FANCI: variants seen among roughly 807,000 people sequenced by gnomAD.
FANCI encodes Fanconi anemia group I protein.
FANCI carries 156 observed loss-of-function variants against 176.1 expected under a neutral mutation model. The observed-to-expected ratio is 0.89, with a 90% CI of 0.78 to 1.01. The LOEUF is 1.01. FANCI is among the 50% of genes least tolerant of loss of function. FANCI has a pLI of 0.00. For missense variants in FANCI, 1,678 were observed against 1,534.1 expected (o/e 1.09, Z -1.57); for synonymous variants, 613 against 541.7 (o/e 1.13, Z -1.83).
Position 89,260,807 on chromosome 15 carries a change from A to G in FANCI, c.252A>G (p.Glu84=). 6.2e-7 allele frequency: 1 copy of G among 1,614,030 alleles called. No individual in the cohort carries two copies. Among genetic ancestry groups the G allele is most frequent in the Non-Finnish European group, 8.5e-7 (1 of 1,179,938 alleles). Residue 84 remains glutamate (E), a synonymous_variant, in exon 4 of 38, where the codon GAA becomes GAG. Transcript: ENST00000310775. ...QLVESGDLQK[E]IASEIIGLLM... is the part of the protein sequence containing the mutation. The stretch of plus-strand genomic sequence containing the variant: ...TGGAATCGGGGGATTTGCAGAAAGA[A>G]ATAGCGTCTGAGATCATAGGATTAC...
At chr15:89,264,658 CATT>C in intron 9 of FANCI, 51 bp downstream of exon 9, 1 of 1,511,756 alleles carries the variant, frequency 6.6e-7, no homozygotes, top group Middle Eastern at 1.7e-4. Flanking sequence ...TTCATCTTCT[CATT>C]GTGTATTTTA....
At chr15:89,293,414 C>T (rs548544696) in intron 22 of FANCI, among the ~76,000 whole-genome samples, 4 of 152,270 alleles carry the variant, frequency 2.6e-5, no homozygotes, top group East Asian at 1.9e-4. Flanking sequence ...AGGCCAGGTG[C>T]GGTGGCTCAC....
chr15:89,268,349 G>C, intron 9 of FANCI, 50 bp from the exon 10 acceptor site: 1 of 1,608,962 alleles, frequency 6.2e-7, no homozygotes, highest in Non-Finnish European at 8.5e-7. Flanking sequence ...GGCATTACAG[G>C]CATGAGCCAC....
chr15:89,292,652 C>G, intron 20 of FANCI, 36 bp from the exon 21 acceptor site: 4 of 1,600,320 alleles, frequency 2.5e-6, no homozygotes, highest in Non-Finnish European at 3.4e-6. Context: ...TCCATCAACA[C>G]TCAAGAGTAT....
rs2053316788 is a variant in FANCI at position 89,274,162 on chromosome 15, C to T, written c.976-6C>T. The stretch of plus-strand genomic sequence containing the variant: ...TTTTCATTTATTTTTATTAACTATA[C>T]TCAAGGTGCTTGATCTTTTAAAGAC... On this transcript the variant is annotated splice_polypyrimidine_tract_variant and splice_region_variant and intron_variant, in intron 11 of 37. Coordinates refer to ENST00000310775, the MANE Select transcript of FANCI (RefSeq NM_001113378.2). 3 of 1,543,664 alleles carry T rather than the reference C, an allele frequency of 1.9e-6. No homozygotes were observed. Among genetic ancestry groups the T allele is most frequent in the Non-Finnish European group, 8.8e-7 (1 of 1,140,186 alleles).
At chr15:89,306,260 G>C (rs1325799972) in intron 32 of FANCI, 66 bp downstream of exon 32, 5 of 1,509,230 alleles carry the variant, frequency 3.3e-6, no homozygotes, top group African/African-American at 2.7e-5. Context: ...GATGAGGATG[G>C]GGCAGCAGCC....
At chr15:89,289,524 C>T (rs1481234784) in intron 18 of FANCI, among the ~76,000 whole-genome samples, 1 of 152,050 alleles carries the variant, frequency 6.6e-6, no homozygotes, top group African/African-American at 2.4e-5. Context: ...AGGCTGGTCT[C>T]GACTTCCTGA....
chr15:89,284,238 A>T (rs552153304), intron 17 of FANCI, among the ~76,000 whole-genome samples: 1 of 152,284 alleles, frequency 6.6e-6, no homozygotes, highest in South Asian at 2.1e-4. Flanking sequence ...GTAATCTGGG[A>T]AAACAAAACT....
intron 10 of FANCI, among the ~76,000 whole-genome samples, chr15:89,269,970 C>G (rs1474410619): frequency 6.6e-6 from 1 of 152,100 alleles, no homozygotes; most frequent in Non-Finnish European, 1.5e-5. Context: ...GCCACCACGC[C>G]TGGCTAATTT....
chr15:89,302,858 C>T (rs1405812943), intron 27 of FANCI, among the ~76,000 whole-genome samples: 1 of 152,160 alleles, frequency 6.6e-6, no homozygotes, highest in Non-Finnish European at 1.5e-5. Flanking sequence ...CAGGTGTGAG[C>T]CACCGCGCCT....
intron 18 of FANCI, among the ~76,000 whole-genome samples, chr15:89,288,919 GC>G (rs1319944151): frequency 1.3e-5 from 2 of 151,880 alleles, no homozygotes; most frequent in African/African-American, 4.8e-5. Flanking sequence ...GGGATTAAAA[GC>G]ATGAGCTACC....
intron 2 of FANCI, among the ~76,000 whole-genome samples, chr15:89,251,719 T>C (rs2052259733): frequency 6.6e-6 from 1 of 152,220 alleles, no homozygotes; most frequent in African/African-American, 2.4e-5. Context: ...AGTATATTAC[T>C]ATAAAGATTA....
intron 9 of FANCI, among the ~76,000 whole-genome samples, chr15:89,268,177 G>A (rs913902513): frequency 1.3e-5 from 2 of 152,110 alleles, no homozygotes; most frequent in Non-Finnish European, 2.9e-5. Context: ...TCACGGCAAC[G>A]TCCACCTTCC....
rs191839674 is a variant in FANCI at position 89,274,382 on chromosome 15, G to A, written c.1112+78G>A. ...AATGCAATGTGATATCATACTTGCA[G>A]CCTGTGAGGGGAAACTGATGACTTA... On this transcript the variant is annotated intron_variant, in intron 12 of 37. Transcript: ENST00000310775. The A allele has an allele frequency of 3.3e-5, 50 of 1,510,740 alleles. No individual in the cohort carries two copies. In the Admixed American group the frequency reaches 3.9e-4, roughly 12 times the overall value. The allele number at this position is 1,510,740 out of a possible 1,614,324, so 93.6% of individuals were successfully genotyped here.
chr15:89,280,354 C>T (rs1032758977), intron 14 of FANCI, among the ~76,000 whole-genome samples: 6 of 152,166 alleles, frequency 3.9e-5, no homozygotes, highest in Admixed American at 3.3e-4. Context: ...ACTGAAGGTG[C>T]TTGACAAGTT....
chr15:89,310,583 T>C (rs1165529316), intron 34 of FANCI, among the ~76,000 whole-genome samples: 1 of 152,270 alleles, frequency 6.6e-6, no homozygotes, highest in Admixed American at 6.5e-5. Flanking sequence ...GCAAACATTT[T>C]ACATTTTTCT....
intron 28 of FANCI, 113 bp from the exon 29 acceptor site, chr15:89,305,002 C>T: frequency 8.3e-7 from 1 of 1,208,888 alleles, no homozygotes; most frequent in Non-Finnish European, 1.2e-6. Context: ...TCTTGAATTC[C>T]TGACCTCAGG....
chr15:89,266,842 C>T (rs893082422), intron 9 of FANCI, among the ~76,000 whole-genome samples: 5 of 151,800 alleles, frequency 3.3e-5, no homozygotes, highest in Non-Finnish European at 2.9e-5. Context: ...AAATAATTAG[C>T]TCACTTTTTT....
In FANCI at chr15:89,291,263, T is replaced by C. The variant is rs944423195; in HGVS notation, c.1891-350T>C. 2.9e-4 allele frequency among the ~76,000 whole-genome samples: 44 copies of C among 152,320 alleles called. 1 individual carries two copies. The highest frequency in any genetic ancestry group is 1.3e-4 in the Non-Finnish European group (9 of 68,020). On this transcript the variant is annotated intron_variant, in intron 19 of 37. Transcript: ENST00000310775. ...ATGAGGAATCACGGTACAGATACTTTTATAAAAACCAGTAATAAGTAGTGG... is the reference window on the plus strand; with the variant it reads ...ATGAGGAATCACGGTACAGATACTTCTATAAAAACCAGTAATAAGTAGTGG...
Sources: allele counts gnomAD v4.1 joint callset (sites outside exome capture counted in the v4.1 genomes callset), GRCh38; gene constraint gnomAD v4.1.1; transcripts MANE v1.5; gene names NCBI Gene and HGNC (gene_info 2026-07-23, HGNC 2026-07-21).